Variants in RAB11FIP3 observed in about 807,000 individuals in gnomAD.
RAB11FIP3 encodes rab11 family-interacting protein 3.
A neutral mutation model predicts 77.8 loss-of-function variants in RAB11FIP3; 17 were observed. The observed-to-expected ratio is 0.22, with a 90% CI of 0.15 to 0.33. RAB11FIP3 has a LOEUF of 0.33. Among genes scored for constraint, RAB11FIP3 ranks in the 10% least tolerant of loss-of-function variants. The pLI is 1.00. For missense variants in RAB11FIP3, 1,005 were observed against 1,011.2 expected (o/e 0.99, Z 0.08); for synonymous variants, 437 against 448.2 (o/e 0.98, Z 0.31).
chr16:489,437 G>GT (rs1790977931), intron 5 of RAB11FIP3, among the ~76,000 whole-genome samples: 1 of 152,228 alleles, frequency 6.6e-6, no homozygotes, highest in African/African-American at 2.4e-5. Context: ...ACAACACGCA[G>GT]TGGGCGAGAT....
At chr16:456,152 T>C (rs1021711846) in intron 1 of RAB11FIP3, among the ~76,000 whole-genome samples, 2 of 151,088 alleles carry the variant, frequency 1.3e-5, no homozygotes, top group Non-Finnish European at 3.0e-5. Flanking sequence ...GCCAACATGG[T>C]GAAACCCCAT....
At position 521,040 on chromosome 16, in the gene RAB11FIP3, A is replaced by G; in HGVS notation, c.*201A>G. 1.7e-6 allele frequency: 1 copy of G among 595,304 alleles called. No individual in the cohort carries two copies. Among genetic ancestry groups the G allele is most frequent in the Non-Finnish European group, 3.0e-6 (1 of 333,952 alleles). 36.9% of individuals were successfully genotyped at this position (595,304 alleles called of 1,614,324 possible). On this transcript the variant is annotated 3_prime_UTR_variant, in exon 14 of 14. Coordinates refer to ENST00000262305, the MANE Select transcript of RAB11FIP3 (RefSeq NM_014700.4). ...AGGGTGGTGGAGAGGAGAGGGAGAA[A>G]GGGAAGTCCCAGGGCCCGGGGTCCA... is the stretch of plus-strand genomic sequence containing the variant.
In RAB11FIP3 at chr16:522,245, AATATATATATATAT is replaced by A. The variant is rs57161308; in HGVS notation, c.*1421_*1434del. The A allele has an allele frequency of 1.5e-5, 2 of 134,686 alleles. No homozygotes were observed. Among genetic ancestry groups the A allele is most frequent in the Non-Finnish European group, 3.2e-5 (2 of 62,622 alleles). 8.3% of individuals were successfully genotyped at this position (134,686 alleles called of 1,614,324 possible). ...AAGAGAAAACTGTGTATACACATGAAATATATATATATATATATATATATATATGTATAATATAT... is the reference window on the plus strand; with the variant it reads ...AAGAGAAAACTGTGTATACACATGAAATATATATATATATGTATAATATAT... On this transcript the variant is annotated 3_prime_UTR_variant, in exon 14 of 14. Coordinates refer to ENST00000262305, the MANE Select transcript of RAB11FIP3 (RefSeq NM_014700.4).
chr16:454,581 A>G (rs2055465397), intron 1 of RAB11FIP3, among the ~76,000 whole-genome samples: 1 of 151,488 alleles, frequency 6.6e-6, no homozygotes, highest in African/African-American at 2.4e-5. Context: ...AAACCAAAAA[A>G]CCCCAAAAGC....
At position 521,066 on chromosome 16, in the gene RAB11FIP3, C is replaced by G. The variant is rs1006451234; in HGVS notation, c.*227C>G. On this transcript the variant is annotated 3_prime_UTR_variant, in exon 14 of 14. Coordinates refer to ENST00000262305, the MANE Select transcript of RAB11FIP3 (RefSeq NM_014700.4). ...GGGAAGTCCCAGGGCCCGGGGTCCA[C>G]AGAGGATGAGGGTTGTGGCAGGGCC... The G allele has an allele frequency of 3.4e-6, 2 of 586,712 alleles. No homozygotes were observed. Among genetic ancestry groups the G allele is most frequent in the Non-Finnish European group, 6.1e-6 (2 of 328,438 alleles). The allele number at this position is 586,712 out of a possible 1,614,324, so 36.3% of individuals were successfully genotyped here. A position where few individuals can be genotyped will look rare whatever the true frequency, so the allele number is the denominator to read the frequency against.
At chr16:494,049 G>A (rs552509157) in intron 5 of RAB11FIP3, among the ~76,000 whole-genome samples, 9 of 79,636 alleles carry the variant, frequency 1.1e-4, no homozygotes, top group East Asian at 9.1e-4. Context: ...GACTACAGGC[G>A]CCCATCACCA....
At chr16:468,502 A>T (rs1365508622) in intron 2 of RAB11FIP3, among the ~76,000 whole-genome samples, 1 of 152,226 alleles carries the variant, frequency 6.6e-6, no homozygotes, top group East Asian at 1.9e-4. Flanking sequence ...GGAAAATGTG[A>T]TCATCCAAAC....
chr16:434,070 A>T (rs2055086369), intron 1 of RAB11FIP3, among the ~76,000 whole-genome samples: 1 of 152,090 alleles, frequency 6.6e-6, no homozygotes, highest in Admixed American at 6.6e-5. Context: ...TAGTTGACCT[A>T]AATTTTTTGA....
rs1034746792 is a variant in RAB11FIP3, at chr16:489,182, C to T, written c.1265+182C>T. 1.4e-5 allele frequency: 10 copies of T among 737,800 alleles called. No homozygotes were observed. In the East Asian group the frequency reaches 2.2e-4, roughly 17 times the overall value. 45.7% of individuals were successfully genotyped at this position (737,800 alleles called of 1,614,324 possible). A position where few individuals can be genotyped will look rare whatever the true frequency, so the allele number is the denominator to read the frequency against. ...TGGATTTATGAAAGTTGGGAGAAGT[C>T]CCTCTTCTCCAGCCACATCCCCAGA... On this transcript the variant is annotated intron_variant, in intron 5 of 13. Coordinates refer to ENST00000262305, the MANE Select transcript of RAB11FIP3 (RefSeq NM_014700.4).
intron 9 of RAB11FIP3, among the ~76,000 whole-genome samples, chr16:516,808 C>G (rs1008686729): frequency 2.6e-5 from 4 of 152,074 alleles, no homozygotes; most frequent in African/African-American, 9.7e-5. Flanking sequence ...ACCTGGGAGG[C>G]AGAGGTTGCA....
chr16:518,878 G>T, intron 9 of RAB11FIP3, 65 bp from the exon 10 acceptor site: 1 of 1,556,176 alleles, frequency 6.4e-7, no homozygotes, highest in Non-Finnish European at 8.9e-7. Flanking sequence ...CTGAGACACA[G>T]GGCACACTGG....
chr16:516,183 C>T (rs1181377511), intron 9 of RAB11FIP3, among the ~76,000 whole-genome samples: 2 of 152,240 alleles, frequency 1.3e-5, no homozygotes, highest in Non-Finnish European at 2.9e-5. Flanking sequence ...CACCTTAAGC[C>T]CTTCCCGCCC....
At chr16:487,128 TTTC>T (rs2056170141) in intron 4 of RAB11FIP3, among the ~76,000 whole-genome samples, 1 of 106,318 alleles carries the variant, frequency 9.4e-6, no homozygotes, top group African/African-American at 4.0e-5. Flanking sequence ...CTGGTTTTGG[TTTC>T]TTTTTTTTTT....
In RAB11FIP3 at chr16:501,236, C is replaced by A. The variant is rs545396240; in HGVS notation, c.1302-1768C>A. On this transcript the variant is annotated intron_variant, in intron 6 of 13. Transcript: ENST00000262305. The stretch of plus-strand genomic sequence containing the variant: ...ATTCTTACTCTGCTACGTCCCTAGC[C>A]AAGCTGTTTGTATGCATGACCTTGG... 2.6e-5 allele frequency among the ~76,000 whole-genome samples: 4 copies of A among 152,388 alleles called. No homozygotes were observed. In the East Asian group the frequency reaches 7.7e-4, roughly 29 times the overall value.
At chr16:518,464 C>A (rs571605556) in intron 9 of RAB11FIP3, among the ~76,000 whole-genome samples, 1 of 152,142 alleles carries the variant, frequency 6.6e-6, no homozygotes, top group African/African-American at 2.4e-5. Flanking sequence ...GGGTGGCTCG[C>A]GCCTGTAATC....
intron 9 of RAB11FIP3, among the ~76,000 whole-genome samples, chr16:517,497 G>A (rs986199672): frequency 2.6e-5 from 4 of 152,108 alleles, no homozygotes; most frequent in South Asian, 2.1e-4. Context: ...GAGCCCGGGA[G>A]GTCGGGGCTG....
Position 425,683 on chromosome 16 carries a change from T to C in RAB11FIP3, c.-324T>C, listed in dbSNP as rs1455761227. 3.9e-6 allele frequency: 1 copy of C among 258,616 alleles called. No homozygotes were observed. Among genetic ancestry groups the C allele is most frequent in the Non-Finnish European group, 7.4e-6 (1 of 135,314 alleles). 16.0% of individuals were successfully genotyped at this position (258,616 alleles called of 1,614,324 possible). On this transcript the variant is annotated 5_prime_UTR_variant, in exon 1 of 14. Coordinates refer to ENST00000262305, the MANE Select transcript of RAB11FIP3 (RefSeq NM_014700.4). ...AGTCTCCTCATCCTGCTTCACAGGC[T>C]CCGCGGCCTCCGGCCTCCTCGGCCC...
At chr16:491,749 C>T (rs1029835203) in intron 5 of RAB11FIP3, among the ~76,000 whole-genome samples, 15 of 152,328 alleles carry the variant, frequency 9.8e-5, no homozygotes, top group Admixed American at 1.3e-4. Flanking sequence ...ATGTCTAACT[C>T]CCAGTTACAG....
Position 520,934 on chromosome 16 carries a change from G to T in RAB11FIP3, c.*95G>T. 2.0e-6 allele frequency: 2 copies of T among 1,007,490 alleles called. No individual in the cohort carries two copies. Among genetic ancestry groups the T allele is most frequent in the Non-Finnish European group, 3.1e-6 (2 of 642,034 alleles). The allele number at this position is 1,007,490 out of a possible 1,614,324, so 62.4% of individuals were successfully genotyped here. A position where few individuals can be genotyped will look rare whatever the true frequency, so the allele number is the denominator to read the frequency against. ...GGAGCCAAGACCAGCAGGTCCCACA[G>T]CCGACAGTGCCCAGAGCATGCAGGG... On this transcript the variant is annotated 3_prime_UTR_variant, in exon 14 of 14. Transcript: ENST00000262305.
Sources: allele counts gnomAD v4.1 joint callset (sites outside exome capture counted in the v4.1 genomes callset), GRCh38; gene constraint gnomAD v4.1.1; transcripts MANE v1.5; gene names NCBI Gene and HGNC (gene_info 2026-07-23, HGNC 2026-07-21).